Variants in WDTC1 observed in about 807,000 individuals in gnomAD.
WDTC1 encodes the protein WD and tetratricopeptide repeats 1, also known as WD and tetratricopeptide repeats protein 1.
Under a neutral mutation model 76.0 loss-of-function variants are expected in WDTC1, and 12 were observed. The ratio of observed to expected loss-of-function variants is 0.16; its 90% CI spans 0.10 to 0.26. The LOEUF (loss-of-function observed/expected upper bound fraction) is 0.26, where lower values mean the gene tolerates loss of function less well. Among genes scored for constraint, WDTC1 ranks in the 10% least tolerant of loss-of-function variants. WDTC1 has a pLI of 1.00. For synonymous variants in WDTC1, 326 were observed against 350.8 expected, an observed-to-expected ratio of 0.93 and a Z score of 0.79; for missense variants, 511 against 908.8, an observed-to-expected ratio of 0.56 and a Z score of 5.63.
chr1:27,240,703 G>A (rs1047173281), intron 1 of WDTC1, among the ~76,000 whole-genome samples: 1 of 152,066 alleles, frequency 6.6e-6, no homozygotes, highest in African/African-American at 2.4e-5. Context: ...TGGGCTGGGC[G>A]CAGTGGCTCA....
intron 9 of WDTC1, 69 bp downstream of exon 9, chr1:27,294,698 A>C: frequency 7.4e-7 from 1 of 1,347,270 alleles, no homozygotes; most frequent in Non-Finnish European, 1.1e-6. Flanking sequence ...CATGTACCTT[A>C]TGTTCACTGC....
chr1:27,277,941 A>G (rs1446497475), intron 3 of WDTC1, among the ~76,000 whole-genome samples: 3 of 152,116 alleles, frequency 2.0e-5, no homozygotes, highest in Admixed American at 6.5e-5. Context: ...CCTGGTTTCA[A>G]GCGATTCTCC....
chr1:27,276,868 G>A (rs1303786315), intron 3 of WDTC1, among the ~76,000 whole-genome samples: 1 of 151,930 alleles, frequency 6.6e-6, no homozygotes, highest in Admixed American at 6.6e-5. Flanking sequence ...AATGTCTGTT[G>A]AGATGCTTCA....
At position 27,303,813 on chromosome 1, in the gene WDTC1, G is replaced by T; in HGVS notation, c.1643+18G>T. 6.2e-7 allele frequency: 1 copy of T among 1,613,656 alleles called. No individual in the cohort carries two copies. Among genetic ancestry groups the T allele is most frequent in the Non-Finnish European group, 8.5e-7 (1 of 1,179,836 alleles). On this transcript the variant is annotated intron_variant, in intron 14 of 15. Coordinates refer to ENST00000319394, the MANE Select transcript of WDTC1 (RefSeq NM_001276252.2). This position sits in a 1 kb window ranked among gnomAD's most constrained non-coding sequence, Gnocchi z 4.8. ...TTTGGCAGGTCCGAGGCCCTGAAGA[G>T]GAGGGTGCAGCCCAGTTGGCAGCGG...
At chr1:27,288,595 A>G (rs951238748) in intron 6 of WDTC1, among the ~76,000 whole-genome samples, 4 of 151,818 alleles carry the variant, frequency 2.6e-5, no homozygotes, top group Non-Finnish European at 5.9e-5. Context: ...AACAAAGCAC[A>G]TCTTGCACCG....
intron 1 of WDTC1, among the ~76,000 whole-genome samples, chr1:27,258,307 C>T (rs1202047744): frequency 3.3e-4 from 50 of 150,886 alleles, no homozygotes; most frequent in African/African-American, 1.1e-3. Flanking sequence ...CTGAGGCGGG[C>T]GGATCACCTG....
At chr1:27,283,515 G>A in intron 5 of WDTC1, 66 bp downstream of exon 5, 1 of 1,470,746 alleles carries the variant, frequency 6.8e-7, no homozygotes, top group Non-Finnish European at 9.4e-7. Flanking sequence ...CTGGGCTGTG[G>A]CCACGCCATG....
intron 2 of WDTC1, among the ~76,000 whole-genome samples, 166 bp downstream of exon 2, chr1:27,261,268 G>A (rs1016321219): frequency 2.0e-5 from 3 of 152,162 alleles, no homozygotes; most frequent in Admixed American, 6.5e-5. Flanking sequence ...TCTCCATCTT[G>A]TATTGTCTAA....
chr1:27,287,439 G>A (rs1379350265), intron 5 of WDTC1, among the ~76,000 whole-genome samples: 3 of 151,900 alleles, frequency 2.0e-5, no homozygotes, highest in Non-Finnish European at 2.9e-5. Flanking sequence ...GCACAATCTC[G>A]GCTCACTGCA....
At chr1:27,304,390 G>A (rs751484159) in intron 14 of WDTC1, 12 of 156,954 alleles carry the variant, frequency 7.6e-5, no homozygotes, top group Non-Finnish European at 7.0e-5. Context: ...CAGGAGGATC[G>A]CTTGAGCCCA....
rs2012460100 is a variant in WDTC1, at chr1:27,260,983, G to A, written c.-72G>A. ...AATTAAATGTGTATTTTGTGGACCTGGGCTTGGCTGGAATGCTCAGGGGTC... is the reference window on the plus strand; with the variant it reads ...AATTAAATGTGTATTTTGTGGACCTAGGCTTGGCTGGAATGCTCAGGGGTC... On this transcript the variant is annotated 5_prime_UTR_variant, in exon 2 of 16. It introduces an in-frame stop codon into an upstream open reading frame of the 5' UTR. Transcript: ENST00000319394. The A allele has an allele frequency of 6.5e-7, 1 of 1,544,776 alleles. No homozygotes were observed. The highest frequency in any genetic ancestry group is 8.9e-7 in the Non-Finnish European group (1 of 1,125,384).
intron 3 of WDTC1, among the ~76,000 whole-genome samples, chr1:27,281,298 C>G (rs564039933): frequency 6.6e-6 from 1 of 151,874 alleles, no homozygotes; most frequent in African/African-American, 2.4e-5. Context: ...ACTAAAAATA[C>G]AAAAAATTAG....
chr1:27,252,841 T>C (rs941820555), intron 1 of WDTC1, among the ~76,000 whole-genome samples: 2 of 152,004 alleles, frequency 1.3e-5, no homozygotes, highest in Non-Finnish European at 2.9e-5. Context: ...TGGTCTGTTA[T>C]AGTCCCTGTG....
intron 9 of WDTC1, among the ~76,000 whole-genome samples, chr1:27,295,826 TAC>T (rs1212705587): frequency 6.6e-6 from 1 of 152,050 alleles, no homozygotes; most frequent in Non-Finnish European, 1.5e-5. Flanking sequence ...AGTGCAGTGG[TAC>T]AATCTCAGGT....
At chr1:27,294,670 A>G (rs761429893) in intron 9 of WDTC1, 41 bp downstream of exon 9, 6 of 1,570,118 alleles carry the variant, frequency 3.8e-6, no homozygotes, top group African/African-American at 1.3e-5. Flanking sequence ...TCACCATTCC[A>G]TGCCCAGCAG....
At chr1:27,286,781 G>C (rs1048236203) in intron 5 of WDTC1, among the ~76,000 whole-genome samples, 1 of 151,946 alleles carries the variant, frequency 6.6e-6, no homozygotes, top group African/African-American at 2.4e-5. Context: ...TCTTGGAAGT[G>C]GAAGTTTTGA....
chr1:27,299,657 C>G (rs1301968340), intron 12 of WDTC1, among the ~76,000 whole-genome samples: 2 of 152,084 alleles, frequency 1.3e-5, no homozygotes, highest in Non-Finnish European at 2.9e-5. Flanking sequence ...AGCCTGGGGC[C>G]GGCCTAGGGA....
At chr1:27,247,442 C>T (rs908326565) in intron 1 of WDTC1, among the ~76,000 whole-genome samples, 14 of 152,074 alleles carry the variant, frequency 9.2e-5, no homozygotes, top group African/African-American at 3.4e-4. Flanking sequence ...AAGCCTAGTA[C>T]TCAATAGTTA....
At chr1:27,250,621 T>G (rs2012016073) in intron 1 of WDTC1, among the ~76,000 whole-genome samples, 1 of 152,174 alleles carries the variant, frequency 6.6e-6, no homozygotes, top group South Asian at 2.1e-4. Flanking sequence ...CAGGCCCAGG[T>G]GCCTAAGTAT....
Sources: gnomAD v4.1 joint callset for allele counts (sites outside exome capture counted in the v4.1 genomes callset) on GRCh38, gnomAD v4.1.1 for gene constraint, Gnocchi (gnomAD v3.1) non-coding constraint, MANE v1.5 for transcripts, NCBI Gene and HGNC (gene_info 2026-07-23, HGNC 2026-07-21) for gene names.